GPC6: variants seen among roughly 807,000 people sequenced by gnomAD.
The protein encoded by GPC6 is glypican-6.
In GPC6, 14 loss-of-function variants were observed where a neutral mutation model predicts 55.2. The observed-to-expected ratio is 0.25, with a 90% confidence interval of 0.17 to 0.40. The LOEUF (loss-of-function observed/expected upper bound fraction) is 0.40. Among genes scored for constraint, GPC6 ranks in the 10% least tolerant of loss-of-function variants. The probability of loss-of-function intolerance (pLI) is 1.00; values close to 1 mark genes in which losing one functional copy is unlikely to be tolerated. For missense variants in GPC6, 641 were observed against 708.5 expected, an observed-to-expected ratio of 0.90 and a Z score of 1.08; for synonymous variants, 278 against 259.6, an observed-to-expected ratio of 1.07 and a Z score of -0.68.
chr13:93,955,237 G>A (rs540157277), intron 3 of GPC6, among the ~76,000 whole-genome samples: 312 of 129,998 alleles, frequency 2.4e-3, no homozygotes, highest in Middle Eastern at 3.6e-3. Flanking sequence ...ACTCTTGAAT[G>A]AACATGCACA....
intron 2 of GPC6, among the ~76,000 whole-genome samples, chr13:93,725,819 C>T (rs966651330): frequency 1.3e-4 from 20 of 151,870 alleles, no homozygotes; most frequent in African/African-American, 3.9e-4. Context: ...CAGTGTTTTC[C>T]ACACATGCAC....
chr13:93,901,861 A>G (rs906862777), intron 3 of GPC6, among the ~76,000 whole-genome samples: 1 of 150,178 alleles, frequency 6.7e-6, no homozygotes. Context: ...AGATCACGCC[A>G]CTGCACTCCA....
At chr13:94,255,937 A>G (rs992559862) in intron 4 of GPC6, among the ~76,000 whole-genome samples, 3 of 152,170 alleles carry the variant, frequency 2.0e-5, no homozygotes, top group Non-Finnish European at 2.9e-5. Context: ...CAGCACCCAC[A>G]TTGCTTGAGA....
At chr13:94,163,180 T>A (rs1407444613) in intron 4 of GPC6, among the ~76,000 whole-genome samples, 1 of 152,198 alleles carries the variant, frequency 6.6e-6, no homozygotes, top group African/African-American at 2.4e-5. Flanking sequence ...TGCTAACCAC[T>A]TTTTTGTTAA....
At chr13:94,222,355 G>A (rs1890410283) in intron 4 of GPC6, among the ~76,000 whole-genome samples, 1 of 152,092 alleles carries the variant, frequency 6.6e-6, no homozygotes, top group Non-Finnish European at 1.5e-5. Flanking sequence ...ATTATATCTT[G>A]TAGGAAGCAA....
chr13:93,600,083 G>T (rs1306627074), intron 2 of GPC6, among the ~76,000 whole-genome samples: 2 of 152,118 alleles, frequency 1.3e-5, no homozygotes, highest in African/African-American at 4.8e-5. Flanking sequence ...TTTAAATTAC[G>T]CTTTCTCATT....
At chr13:94,213,182 A>C (rs575921418) in intron 4 of GPC6, among the ~76,000 whole-genome samples, 1 of 152,178 alleles carries the variant, frequency 6.6e-6, no homozygotes, top group African/African-American at 2.4e-5. Flanking sequence ...AACAAACAAA[A>C]AATACTAAGT....
chr13:94,068,855 A>G (rs1884629114), intron 4 of GPC6, among the ~76,000 whole-genome samples: 1 of 152,146 alleles, frequency 6.6e-6, no homozygotes, highest in Non-Finnish European at 1.5e-5. Flanking sequence ...TTTGCAGGGT[A>G]CGGCCTCCCT....
intron 1 of GPC6, among the ~76,000 whole-genome samples, chr13:93,374,558 A>G (rs989452619): frequency 3.3e-5 from 5 of 152,216 alleles, no homozygotes; most frequent in African/African-American, 7.2e-5. Context: ...GAGAGAAGAC[A>G]TGGCTTCGCT....
intron 1 of GPC6, among the ~76,000 whole-genome samples, chr13:93,386,602 G>C (rs909369520): frequency 2.6e-5 from 4 of 152,190 alleles, no homozygotes; most frequent in African/African-American, 9.7e-5. Flanking sequence ...ATAAGAGAGA[G>C]AAAATGTGGC....
intron 4 of GPC6, among the ~76,000 whole-genome samples, chr13:94,029,576 C>T (rs1413842759): frequency 1.3e-5 from 2 of 152,174 alleles, no homozygotes; most frequent in Non-Finnish European, 2.9e-5. Context: ...GATTAAACCT[C>T]GTAGCATCAT....
At chr13:93,802,462 A>G (rs1314023831) in intron 2 of GPC6, among the ~76,000 whole-genome samples, 5 of 152,072 alleles carry the variant, frequency 3.3e-5, no homozygotes, top group South Asian at 4.1e-4. Flanking sequence ...CAGTGGCACA[A>G]TCATAACACA....
chr13:93,356,497 T>G (rs763459812), intron 1 of GPC6, among the ~76,000 whole-genome samples: 5 of 152,226 alleles, frequency 3.3e-5, no homozygotes, highest in Non-Finnish European at 5.9e-5. Flanking sequence ...CTCATTTGAT[T>G]GCCAACCTCC....
chr13:93,900,462 T>C (rs994813794), intron 3 of GPC6, among the ~76,000 whole-genome samples: 12 of 152,276 alleles, frequency 7.9e-5, no homozygotes, highest in African/African-American at 2.6e-4. Context: ...GGTAACACAA[T>C]TGTATCTTTG....
At chr13:94,327,002 G>A (rs1877155371) in intron 6 of GPC6, among the ~76,000 whole-genome samples, 1 of 152,076 alleles carries the variant, frequency 6.6e-6, no homozygotes, top group African/African-American at 2.4e-5. Flanking sequence ...CGTTCTCAAG[G>A]GACTTTTACA....
At chr13:94,129,761 G>T (rs1886945601) in intron 4 of GPC6, among the ~76,000 whole-genome samples, 1 of 152,206 alleles carries the variant, frequency 6.6e-6, no homozygotes, top group East Asian at 1.9e-4. Context: ...AGTGGTTTCT[G>T]GTTTTCTGGC....
intron 3 of GPC6, among the ~76,000 whole-genome samples, chr13:93,874,992 A>G (rs528908023): frequency 6.6e-6 from 1 of 152,016 alleles, no homozygotes; most frequent in Admixed American, 6.6e-5. Context: ...TTGCCACTGC[A>G]TCTCTTGCAT....
intron 1 of GPC6, among the ~76,000 whole-genome samples, chr13:93,338,842 T>G (rs1880134051): frequency 6.6e-6 from 1 of 152,198 alleles, no homozygotes; most frequent in African/African-American, 2.4e-5. Flanking sequence ...AGATTAACTA[T>G]GGGAATGGGC....
intron 2 of GPC6, among the ~76,000 whole-genome samples, chr13:93,784,082 A>C (rs2138911849): frequency 6.6e-6 from 1 of 152,330 alleles, no homozygotes; most frequent in South Asian, 2.1e-4. Flanking sequence ...CCTATGCCTA[A>C]GGTACTGCTA....
Sources: gnomAD v4.1 joint callset for allele counts (sites outside exome capture counted in the v4.1 genomes callset) on GRCh38, gnomAD v4.1.1 for gene constraint, MANE v1.5 for transcripts, NCBI Gene and HGNC (gene_info 2026-07-23, HGNC 2026-07-21) for gene names.